GRM7: variants seen among roughly 807,000 people sequenced by gnomAD.
GRM7 encodes the protein metabotropic glutamate receptor 7.
In GRM7, 35 loss-of-function variants were observed where a neutral mutation model predicts 84.5. That is an observed-to-expected ratio of 0.41 (90% confidence interval 0.32 to 0.55). The LOEUF (loss-of-function observed/expected upper bound fraction) is 0.55, where lower values mean the gene tolerates loss of function less well. Ranked by LOEUF, GRM7 falls within the 20% of genes least tolerant of loss-of-function variation. GRM7 has a pLI of 0.19. For synonymous variants in GRM7, 487 were observed against 455.1 expected, an observed-to-expected ratio of 1.07 and a Z score of -0.89; for missense variants, 1,003 against 1,194.6, an observed-to-expected ratio of 0.84 and a Z score of 2.36.
At chr3:7,426,950 G>A (rs953774907) in intron 5 of GRM7, among the ~76,000 whole-genome samples, 1 of 152,324 alleles carries the variant, frequency 6.6e-6, no homozygotes, top group East Asian at 1.9e-4. Flanking sequence ...GAGATGATTT[G>A]TGCTTGTGTT....
chr3:7,062,177 A>C (rs957977023), intron 1 of GRM7, among the ~76,000 whole-genome samples: 1 of 151,806 alleles, frequency 6.6e-6, no homozygotes, highest in Non-Finnish European at 1.5e-5. Context: ...GGTAAGCATT[A>C]AGCATCTTGG....
At chr3:7,372,255 A>G (rs1694169628) in intron 4 of GRM7, among the ~76,000 whole-genome samples, 1 of 152,200 alleles carries the variant, frequency 6.6e-6, no homozygotes, top group African/African-American at 2.4e-5. Context: ...AGATGTTAGC[A>G]AAACAATCAC....
chr3:7,303,696 A>C (rs79785767), intron 3 of GRM7, among the ~76,000 whole-genome samples: 8 of 152,176 alleles, frequency 5.3e-5, no homozygotes, highest in African/African-American at 1.9e-4. Context: ...TTGTTGTTAT[A>C]GGCCTTTCAC....
chr3:7,012,205 A>T (rs1695397217), intron 1 of GRM7, among the ~76,000 whole-genome samples: 1 of 152,166 alleles, frequency 6.6e-6, no homozygotes, highest in Non-Finnish European at 1.5e-5. Flanking sequence ...AGTAAAGAGG[A>T]TAGGAAGGAG....
chr3:7,171,826 A>G (rs1051514191), intron 2 of GRM7, among the ~76,000 whole-genome samples: 5 of 152,212 alleles, frequency 3.3e-5, no homozygotes, highest in Non-Finnish European at 5.9e-5. Context: ...TGCCAAGTGC[A>G]TCACATGCTG....
intron 1 of GRM7, among the ~76,000 whole-genome samples, chr3:7,097,726 A>T (rs929134265): frequency 1.3e-5 from 2 of 152,166 alleles, no homozygotes; most frequent in African/African-American, 4.8e-5. Context: ...CTTCGCTGTG[A>T]GGTCACCAGA....
intron 9 of GRM7, among the ~76,000 whole-genome samples, chr3:7,740,126 G>T (rs1326321733): frequency 6.6e-6 from 1 of 152,188 alleles, no homozygotes; most frequent in Non-Finnish European, 1.5e-5. Flanking sequence ...AAAGAGGGAA[G>T]CTGGAGACAT....
chr3:7,428,424 A>G (rs2124843092), intron 5 of GRM7, among the ~76,000 whole-genome samples: 1 of 152,218 alleles, frequency 6.6e-6, no homozygotes, highest in East Asian at 1.9e-4. Flanking sequence ...TGTGATTTCA[A>G]CACAATAGTG....
intron 1 of GRM7, among the ~76,000 whole-genome samples, chr3:6,905,056 G>A (rs144195111): frequency 1.8e-4 from 28 of 152,108 alleles, no homozygotes; most frequent in Middle Eastern, 3.4e-3. Flanking sequence ...CAAGTTCTCC[G>A]TCTTGGTTTT....
At chr3:7,046,630 A>G (rs1696816324) in intron 1 of GRM7, among the ~76,000 whole-genome samples, 1 of 152,086 alleles carries the variant, frequency 6.6e-6, no homozygotes, top group South Asian at 2.1e-4. Flanking sequence ...TAGACATTTC[A>G]TATGGGTAAC....
At chr3:7,382,992 C>G (rs951692113) in intron 4 of GRM7, among the ~76,000 whole-genome samples, 3 of 152,106 alleles carry the variant, frequency 2.0e-5, no homozygotes, top group African/African-American at 7.2e-5. Context: ...TTTTTTCAAC[C>G]GTACCAAGTG....
chr3:7,523,514 T>A (rs551179500), intron 7 of GRM7, among the ~76,000 whole-genome samples: 2 of 152,254 alleles, frequency 1.3e-5, no homozygotes, highest in East Asian at 3.9e-4. Flanking sequence ...CTGTATTCCA[T>A]CATGTGGATC....
At chr3:7,646,669 C>G (rs1698658386) in intron 8 of GRM7, among the ~76,000 whole-genome samples, 1 of 152,132 alleles carries the variant, frequency 6.6e-6, no homozygotes, top group African/African-American at 2.4e-5. Context: ...AGCCACAAAC[C>G]TTCCTGTGCT....
At chr3:7,687,341 T>C (rs1700624953) in intron 9 of GRM7, among the ~76,000 whole-genome samples, 1 of 152,128 alleles carries the variant, frequency 6.6e-6, no homozygotes, top group African/African-American at 2.4e-5. Flanking sequence ...CTAAAGAAAA[T>C]ATACTCTGAA....
chr3:7,422,113 G>A (rs1192939178), intron 5 of GRM7, among the ~76,000 whole-genome samples: 1 of 151,730 alleles, frequency 6.6e-6, no homozygotes, highest in Non-Finnish European at 1.5e-5. Flanking sequence ...AAAAAACAGG[G>A]CCATAGCAGT....
At chr3:6,921,275 G>A (rs1162178072) in intron 1 of GRM7, among the ~76,000 whole-genome samples, 3 of 152,166 alleles carry the variant, frequency 2.0e-5, no homozygotes, top group Admixed American at 6.5e-5. Context: ...GGAGAGATGG[G>A]GGTAGGTGAC....
intron 2 of GRM7, among the ~76,000 whole-genome samples, chr3:7,159,120 T>A (rs1694543820): frequency 6.6e-6 from 1 of 152,180 alleles, no homozygotes; most frequent in African/African-American, 2.4e-5. Context: ...AGATTAGTTA[T>A]GTGTGTGTGA....
chr3:7,687,086 C>T (rs1341780855), intron 9 of GRM7, among the ~76,000 whole-genome samples: 1 of 26,380 alleles, frequency 3.8e-5, no homozygotes, highest in East Asian at 1.4e-3. Flanking sequence ...AAACACTGAA[C>T]CAACTTTAGT....
intron 2 of GRM7, among the ~76,000 whole-genome samples, chr3:7,244,770 C>A (rs548881199): frequency 1.3e-5 from 2 of 151,858 alleles, no homozygotes; most frequent in Non-Finnish European, 2.9e-5. Flanking sequence ...AGTAGATAAT[C>A]AAAAAATATC....
Sources: gnomAD v4.1 joint callset for allele counts (sites outside exome capture counted in the v4.1 genomes callset) on GRCh38, gnomAD v4.1.1 for gene constraint, MANE v1.5 for transcripts, NCBI Gene and HGNC (gene_info 2026-07-23, HGNC 2026-07-21) for gene names.